RYR3: variants seen among roughly 807,000 people sequenced by gnomAD.
The protein encoded by RYR3 is ryanodine receptor 3.
A neutral mutation model predicts 584.3 loss-of-function variants in RYR3; 207 were observed. That is an observed-to-expected ratio of 0.35 (90% CI 0.32 to 0.40). The LOEUF (loss-of-function observed/expected upper bound fraction) is 0.40, where lower values mean the gene tolerates loss of function less well. Among genes scored for constraint, RYR3 ranks in the 10% least tolerant of loss-of-function variants. The probability of loss-of-function intolerance (pLI) is 1.00; values close to 1 mark genes in which losing one functional copy is unlikely to be tolerated. For synonymous variants in RYR3, 2,416 were observed against 2,248.5 expected (o/e 1.07, Z -2.11); for missense variants, 5,616 against 6,089.2 (o/e 0.92, Z 2.59).
intron 1 of RYR3, among the ~76,000 whole-genome samples, chr15:33,438,788 C>G (rs1417421382): frequency 7.0e-6 from 1 of 143,828 alleles, no homozygotes; most frequent in Non-Finnish European, 1.6e-5. Context: ...GATAGAGTTA[C>G]AAAACCTAAT....
chr15:33,370,106 A>C (rs2040220869), intron 1 of RYR3, among the ~76,000 whole-genome samples: 2 of 152,182 alleles, frequency 1.3e-5, no homozygotes, highest in Admixed American at 1.3e-4. Flanking sequence ...TTCCCCCTGT[A>C]GGAGTCTTGA....
chr15:33,549,079 T>C (rs1286184940), intron 9 of RYR3, among the ~76,000 whole-genome samples: 1 of 152,034 alleles, frequency 6.6e-6, no homozygotes, highest in Non-Finnish European at 1.5e-5. Flanking sequence ...GTTTTTTTTT[T>C]CTGATAAATT....
At chr15:33,536,255 G>A (rs2055322566) in intron 5 of RYR3, among the ~76,000 whole-genome samples, 1 of 152,062 alleles carries the variant, frequency 6.6e-6, no homozygotes, top group Non-Finnish European at 1.5e-5. Context: ...GAAAGTTTGG[G>A]GGCAGTTTCT....
chr15:33,429,106 C>T (rs1206808433), intron 1 of RYR3, among the ~76,000 whole-genome samples: 1 of 152,134 alleles, frequency 6.6e-6, no homozygotes, highest in Non-Finnish European at 1.5e-5. Flanking sequence ...TCGCATCCTT[C>T]GTCTTCTCAT....
intron 85 of RYR3, among the ~76,000 whole-genome samples, chr15:33,829,772 T>G (rs2077573899): frequency 6.6e-6 from 1 of 151,806 alleles, no homozygotes; most frequent in Admixed American, 6.6e-5. Context: ...AAAAAAAATT[T>G]TGATTCATGG....
chr15:33,360,486 T>A (rs1332068649), intron 1 of RYR3, among the ~76,000 whole-genome samples: 5 of 152,220 alleles, frequency 3.3e-5, no homozygotes, highest in African/African-American at 1.2e-4. Flanking sequence ...TACTATGACT[T>A]TGTATGGATA....
At chr15:33,455,051 T>TCCTAGGTG (rs1191621932) in intron 1 of RYR3, among the ~76,000 whole-genome samples, 7 of 152,110 alleles carry the variant, frequency 4.6e-5, no homozygotes, top group African/African-American at 1.7e-4. Context: ...ATTGTAGAAA[T>TCCTAGGTG]CCTAGGTGCC....
At chr15:33,500,175 C>T (rs1456240618) in intron 2 of RYR3, among the ~76,000 whole-genome samples, 7 of 152,172 alleles carry the variant, frequency 4.6e-5, no homozygotes, top group African/African-American at 1.7e-4. Flanking sequence ...AGACAAACCT[C>T]AATGCATCAA....
intron 43 of RYR3, among the ~76,000 whole-genome samples, chr15:33,721,945 C>A (rs2067961134): frequency 6.6e-6 from 1 of 152,182 alleles, no homozygotes; most frequent in African/African-American, 2.4e-5. Context: ...CCACAGAATA[C>A]AATTCTCTAA....
At chr15:33,863,039 GTAC>G in intron 102 of RYR3, among the ~76,000 whole-genome samples, 1 of 152,328 alleles carries the variant, frequency 6.6e-6, no homozygotes, top group East Asian at 1.9e-4. Context: ...CCACGTGTCT[GTAC>G]CCATGGGTTA....
chr15:33,562,745 T>C, intron 10 of RYR3, 92 bp from the exon 11 acceptor site: 1 of 893,918 alleles, frequency 1.1e-6, no homozygotes, highest in Non-Finnish European at 1.7e-6. Flanking sequence ...GTTGCCTGGC[T>C]TACAGGTTCT....
intron 31 of RYR3, among the ~76,000 whole-genome samples, chr15:33,651,249 A>G (rs1191049229): frequency 6.6e-6 from 1 of 152,258 alleles, no homozygotes; most frequent in Non-Finnish European, 1.5e-5. Flanking sequence ...GGGCCCTTTA[A>G]TGTATGACCA....
Position 33,362,473 on chromosome 15 carries a change from C to T in RYR3, c.51+51377C>T, listed in dbSNP as rs533885850. On this transcript the variant is annotated intron_variant, in intron 1 of 103. Transcript: ENST00000634891. ...ATCAGCATCATCATCTCATCACCAC[C>T]ATTTCATGGGTATAAACCTGCACAT... is the stretch of plus-strand genomic sequence containing the variant. 5.1e-3 allele frequency among the ~76,000 whole-genome samples: 779 copies of T among 152,272 alleles called. 3 individuals carry two copies. Among genetic ancestry groups the T allele is most frequent in the Non-Finnish European group, 8.9e-3 (605 of 68,024 alleles).
At chr15:33,826,299 A>G (rs1056833774) in intron 83 of RYR3, 30 bp downstream of exon 83, 1 of 1,610,062 alleles carries the variant, frequency 6.2e-7, no homozygotes, top group South Asian at 1.1e-5. Context: ...CTGAGTTCCT[A>G]CCGTGTGTGA....
chr15:33,494,491 A>G (rs2051246488), intron 2 of RYR3, among the ~76,000 whole-genome samples: 1 of 152,166 alleles, frequency 6.6e-6, no homozygotes, highest in Admixed American at 6.5e-5. Flanking sequence ...TTTTTCCACC[A>G]CTGTCAGTTC....
chr15:33,702,991 G>A (rs1045887697), intron 42 of RYR3, among the ~76,000 whole-genome samples: 2 of 152,106 alleles, frequency 1.3e-5, no homozygotes, highest in Non-Finnish European at 2.9e-5. Flanking sequence ...TTGATTAAAC[G>A]ATTGTGGCAG....
intron 51 of RYR3, among the ~76,000 whole-genome samples, chr15:33,740,524 C>G (rs919977902): frequency 2.6e-5 from 4 of 152,186 alleles, no homozygotes; most frequent in African/African-American, 9.7e-5. Context: ...ACCATTGCAC[C>G]TTTTACTTTC....
chr15:33,827,544 T>C (rs72715191), intron 85 of RYR3, among the ~76,000 whole-genome samples: 7,811 of 152,284 alleles, frequency 0.051, 254 homozygotes, highest in Non-Finnish European at 0.06. Flanking sequence ...AAAACCAATC[T>C]GTGTTGCTAT....
At chr15:33,362,992 T>C (rs574520351) in intron 1 of RYR3, among the ~76,000 whole-genome samples, 2 of 152,322 alleles carry the variant, frequency 1.3e-5, no homozygotes, top group East Asian at 3.9e-4. Context: ...GGGCAGTGAC[T>C]TTTGGACATG....
Sources: allele counts gnomAD v4.1 joint callset (sites outside exome capture counted in the v4.1 genomes callset), GRCh38; gene constraint gnomAD v4.1.1; transcripts MANE v1.5; gene names NCBI Gene and HGNC (gene_info 2026-07-23, HGNC 2026-07-21).